PRDM11: variants seen among roughly 807,000 people sequenced by gnomAD.
The protein encoded by PRDM11 is PR domain-containing protein 11.
Under a neutral mutation model 97.8 loss-of-function variants are expected in PRDM11, and 20 were observed. The ratio of observed to expected loss-of-function variants is 0.20; its 90% confidence interval spans 0.14 to 0.30. The LOEUF is 0.30. Among genes scored for constraint, PRDM11 ranks in the 10% least tolerant of loss-of-function variants. The pLI is 1.00. For synonymous variants in PRDM11, 599 were observed against 637.7 expected, an observed-to-expected ratio of 0.94 and a Z score of 0.91; for missense variants, 1,139 against 1,555.2, an observed-to-expected ratio of 0.73 and a Z score of 4.50.
chr11:45,152,853 T>C (rs1277378887), intron 1 of PRDM11, among the ~76,000 whole-genome samples: 2 of 152,240 alleles, frequency 1.3e-5, no homozygotes, highest in African/African-American at 4.8e-5. Flanking sequence ...GACTAGGCTG[T>C]AACAGGTCCT....
chr11:45,214,767 TG>T, intron 5 of PRDM11: 1 of 152,334 alleles, frequency 6.6e-6, no homozygotes, highest in Admixed American at 6.5e-5. Flanking sequence ...GATCTTTCTT[TG>T]GTGTGTATTC....
At chr11:45,098,119 C>A (rs1243990898) in intron 1 of PRDM11, among the ~76,000 whole-genome samples, 1 of 152,246 alleles carries the variant, frequency 6.6e-6, no homozygotes, top group Admixed American at 6.5e-5. Flanking sequence ...TTCAGGGAAC[C>A]CACCCAGGCC....
chr11:45,138,185 G>A (rs1035312903), intron 1 of PRDM11, among the ~76,000 whole-genome samples: 25 of 152,080 alleles, frequency 1.6e-4, no homozygotes, highest in Middle Eastern at 3.2e-3. Context: ...AATGAACAGG[G>A]GGGAAAAACT....
chr11:45,194,579 GTTA>G (rs1297859846), intron 4 of PRDM11, among the ~76,000 whole-genome samples: 3 of 136,664 alleles, frequency 2.2e-5, no homozygotes, highest in Non-Finnish European at 4.7e-5. Flanking sequence ...CTGTGGGATA[GTTA>G]TTATCTTCTG....
At chr11:45,209,803 G>T (rs1299420131) in intron 5 of PRDM11, among the ~76,000 whole-genome samples, 1 of 152,192 alleles carries the variant, frequency 6.6e-6, no homozygotes, top group Non-Finnish European at 1.5e-5. Flanking sequence ...GACCCTGCAG[G>T]TTATGTAGCA....
chr11:45,165,460 CA>C, intron 1 of PRDM11, among the ~76,000 whole-genome samples: 1 of 152,340 alleles, frequency 6.6e-6, no homozygotes, highest in African/African-American at 2.4e-5. Flanking sequence ...GCTGGGTTCT[CA>C]GGGGGTGGCA....
chr11:45,156,685 GC>G (rs1302704080), intron 1 of PRDM11, among the ~76,000 whole-genome samples: 2 of 152,212 alleles, frequency 1.3e-5, no homozygotes, highest in African/African-American at 2.4e-5. Context: ...AGCAGCTCTT[GC>G]CTGGGTCTTG....
At chr11:45,168,127 G>A (rs1852111298) in intron 1 of PRDM11, among the ~76,000 whole-genome samples, 1 of 152,128 alleles carries the variant, frequency 6.6e-6, no homozygotes, top group Non-Finnish European at 1.5e-5. Flanking sequence ...GGCAAGATTG[G>A]GCAAATACAC....
upstream of PRDM11, among the ~76,000 whole-genome samples, chr11:45,143,742 T>G (rs1479449126): frequency 1.3e-5 from 2 of 152,232 alleles, no homozygotes; most frequent in Non-Finnish European, 2.9e-5. Flanking sequence ...CTGCAAAAAA[T>G]AGTGATGATG....
chr11:45,179,056 A>G lies in PRDM11; in HGVS notation c.-6-2705A>G, dbSNP rs554855376. Among the ~76,000 whole-genome samples the G allele has an allele frequency of 1.5e-3, 225 of 152,274 alleles. 1 individual carries two copies. The highest frequency in any genetic ancestry group is 5.4e-3 in the African/African-American group (223 of 41,542). On this transcript the variant is annotated intron_variant, in intron 1 of 7. Transcript: ENST00000683152. ...TCTGAAGTCTGGATAGGAGTTCCCCAGGTGTTCTGCAGGCTAGGACTCAGC... is the reference window on the plus strand; with the variant it reads ...TCTGAAGTCTGGATAGGAGTTCCCCGGGTGTTCTGCAGGCTAGGACTCAGC...
chr11:45,153,817 A>G (rs1461809387), intron 1 of PRDM11, among the ~76,000 whole-genome samples: 1 of 152,164 alleles, frequency 6.6e-6, no homozygotes, highest in Non-Finnish European at 1.5e-5. Context: ...TGGGGCAGTA[A>G]ACACCTAGAA....
At chr11:45,194,659 C>T (rs1194429115) in intron 4 of PRDM11, among the ~76,000 whole-genome samples, 2 of 121,198 alleles carry the variant, frequency 1.7e-5, no homozygotes, top group South Asian at 3.0e-4. Context: ...AGTGCAGTGG[C>T]GGGATCTCGG....
rs982071275 is a variant in PRDM11, at chr11:45,120,888, G to A, written c.96+24987G>A. On this transcript the variant is annotated intron_variant, in intron 1 of 6. Coordinates refer to the PRDM11 transcript ENST00000530656. ...ATGACAATAATAGCACAAAGGGCAAGAGCAGATAAAGTTGAGTTAAACTGT... is the reference window on the plus strand; with the variant it reads ...ATGACAATAATAGCACAAAGGGCAAAAGCAGATAAAGTTGAGTTAAACTGT... Among the ~76,000 whole-genome samples, 10 of 152,260 alleles carry A rather than the reference G, an allele frequency of 6.6e-5. No homozygotes were observed. The South Asian group carries it at 1.9e-3, about 28-fold the overall frequency.
chr11:45,207,824 C>T (rs529780901), intron 5 of PRDM11, among the ~76,000 whole-genome samples: 2 of 152,280 alleles, frequency 1.3e-5, no homozygotes, highest in East Asian at 3.9e-4. Context: ...AAGGTGAGGG[C>T]TGAAGGATGT....
intron 1 of PRDM11, among the ~76,000 whole-genome samples, chr11:45,108,034 C>A (rs113657206): frequency 0.017 from 2,553 of 152,176 alleles, 69 homozygotes; most frequent in African/African-American, 0.058. Flanking sequence ...TTAGTAGAGA[C>A]AGGGTCTCAC....
intron 1 of PRDM11, among the ~76,000 whole-genome samples, chr11:45,128,398 TACC>T (rs1230155943): frequency 3.9e-5 from 6 of 152,104 alleles, no homozygotes; most frequent in Non-Finnish European, 5.9e-5. Context: ...ATGAACCCGG[TACC>T]TCAGATGGAA....
intron 1 of PRDM11, among the ~76,000 whole-genome samples, chr11:45,140,360 G>A (rs1392074969): frequency 6.6e-6 from 1 of 152,160 alleles, no homozygotes; most frequent in African/African-American, 2.4e-5. Context: ...TCAAATAACA[G>A]GGGTGGGACT....
chr11:45,123,649 A>G (rs1163533117), intron 1 of PRDM11, among the ~76,000 whole-genome samples: 1 of 151,186 alleles, frequency 6.6e-6, no homozygotes, highest in Non-Finnish European at 1.5e-5. Context: ...AAGATCAGAT[A>G]GTTGTAGATA....
At position 45,106,485 on chromosome 11, in the gene PRDM11, T is replaced by C. The variant is rs113673462; in HGVS notation, c.96+10584T>C. ...TGCTATGCTACAAACCACCCCAAAA[T>C]TGAGCACATAAGACAGCCATTTTAT... On this transcript the variant is annotated intron_variant, in intron 1 of 6. Transcript: ENST00000530656. Among the ~76,000 whole-genome samples, 541 of 152,272 alleles carry C rather than the reference T, an allele frequency of 3.6e-3. 6 individuals are homozygous for C. The highest frequency in any genetic ancestry group is 0.012 in the African/African-American group (495 of 41,558).
Sources: gnomAD v4.1 joint callset for allele counts (sites outside exome capture counted in the v4.1 genomes callset) on GRCh38, gnomAD v4.1.1 for gene constraint, MANE v1.5 for transcripts, NCBI Gene and HGNC (gene_info 2026-07-23, HGNC 2026-07-21) for gene names.